IL3RA: variants seen among roughly 807,000 people sequenced by gnomAD.
IL3RA encodes interleukin-3 receptor subunit alpha.
A neutral mutation model predicts 52.3 loss-of-function variants in IL3RA; 73 were observed. The observed-to-expected ratio is 1.40, with a 90% confidence interval of 1.16 to 1.70. The LOEUF (loss-of-function observed/expected upper bound fraction) is 1.70, where lower values mean the gene tolerates loss of function less well. Among genes scored for constraint, IL3RA ranks in the 40% most tolerant of loss-of-function variants. The pLI is 0.00. For missense variants in IL3RA, 664 were observed against 504.4 expected (o/e 1.32, Z -3.03); for synonymous variants, 260 against 194.0 (o/e 1.34, Z -2.83).
chrX:1,362,165 C>CCTCT (rs377206464), intron 8 of IL3RA, among the ~76,000 whole-genome samples: 4 of 148,334 alleles, frequency 2.7e-5, no homozygotes, highest in African/African-American at 9.8e-5. Context: ...TTTCTCTTTC[C>CCTCT]CTCTCTCTTT....
At position 1,345,036 on chromosome X, in the gene IL3RA, G is replaced by A. The variant is rs2085675551; in HGVS notation, c.65-280G>A. On this transcript the variant is annotated intron_variant, in intron 2 of 11. Coordinates refer to ENST00000331035, the MANE Select transcript of IL3RA (RefSeq NM_002183.4). ...AAAAAAAAATTAGCCGGGCGTGGTG[G>A]CGGGCGCCTGTAGTCCCAGCTACTC... is the stretch of plus-strand genomic sequence containing the variant. Among the ~76,000 whole-genome samples, 3 of 150,878 alleles carry A rather than the reference G, an allele frequency of 2.0e-5. No individual in the cohort carries two copies. In the South Asian group the frequency reaches 6.3e-4, roughly 31 times the overall value.
intron 2 of IL3RA, among the ~76,000 whole-genome samples, chrX:1,344,380 G>C (rs1389002547): frequency 2.0e-5 from 3 of 151,980 alleles, no homozygotes; most frequent in Non-Finnish European, 4.4e-5. Context: ...GTTGTAGTGA[G>C]CCGAGATCGC....
At chrX:1,361,719 C>T (rs1210694670) in intron 8 of IL3RA, among the ~76,000 whole-genome samples, 6 of 143,774 alleles carry the variant, frequency 4.2e-5, no homozygotes, top group African/African-American at 2.6e-5. Flanking sequence ...CGCCACTGCA[C>T]TCCAGCCTGG....
chrX:1,362,589 G>C (rs2087536273), intron 8 of IL3RA, among the ~76,000 whole-genome samples: 1 of 151,102 alleles, frequency 6.6e-6, no homozygotes, highest in African/African-American at 2.4e-5. Flanking sequence ...CTCTCTCTCT[G>C]TCTCTCCCTG....
intron 10 of IL3RA, among the ~76,000 whole-genome samples, chrX:1,380,590 AG>A (rs1380485653): frequency 1.3e-4 from 2 of 15,300 alleles, no homozygotes; most frequent in African/African-American, 5.1e-4. Context: ...GGGAGGGGGA[AG>A]GGGGAGGAGG....
intron 8 of IL3RA, among the ~76,000 whole-genome samples, chrX:1,362,796 G>C (rs1323449812): frequency 7.8e-6 from 1 of 128,142 alleles, no homozygotes; most frequent in African/African-American, 3.3e-5. Context: ...TTTATTTTGA[G>C]ACAGAGTCTC....
At chrX:1,342,243 G>A (rs1442637657) in intron 2 of IL3RA, among the ~76,000 whole-genome samples, 3 of 151,744 alleles carry the variant, frequency 2.0e-5, no homozygotes, top group Non-Finnish European at 4.4e-5. Flanking sequence ...TCGGCTCACT[G>A]CAACCTCTGC....
intron 8 of IL3RA, among the ~76,000 whole-genome samples, chrX:1,361,594 A>C (rs776318700): frequency 1.1e-4 from 16 of 151,816 alleles, no homozygotes; most frequent in African/African-American, 2.7e-4. Context: ...ACTAAAAATA[A>C]AAAAAATTAC....
chrX:1,352,580 C>T (rs1416463832), intron 6 of IL3RA, 74 bp downstream of exon 6: 3 of 1,467,586 alleles, frequency 2.0e-6, no homozygotes, highest in Admixed American at 2.0e-5. Context: ...CCAGATCCCA[C>T]GGGACCACGT....
intron 3 of IL3RA, among the ~76,000 whole-genome samples, chrX:1,345,682 G>A (rs1393102744): frequency 1.4e-4 from 21 of 151,620 alleles, no homozygotes; most frequent in Admixed American, 4.6e-4. Flanking sequence ...AGTAGAGATG[G>A]GGTTTCACTG....
At chrX:1,377,743 G>A (rs1309380217) in intron 9 of IL3RA, among the ~76,000 whole-genome samples, 1 of 149,016 alleles carries the variant, frequency 6.7e-6, no homozygotes, top group Non-Finnish European at 1.5e-5. Flanking sequence ...ACGGCTCACT[G>A]TAGCCTCGAC....
chrX:1,337,157 C>T (rs754132633), intron 1 of IL3RA, among the ~76,000 whole-genome samples: 2 of 152,328 alleles, frequency 1.3e-5, no homozygotes, highest in East Asian at 3.9e-4. Flanking sequence ...GACGCTGAAG[C>T]CATCATAGCA....
intron 4 of IL3RA, 126 bp from the exon 5 acceptor site, chrX:1,351,974 A>G (rs1168082598): frequency 1.7e-6 from 2 of 1,185,776 alleles, no homozygotes; most frequent in Non-Finnish European, 2.4e-6. Flanking sequence ...CATGTTGGCC[A>G]GGCTGGTCTC....
In IL3RA at chrX:1,353,628, A is replaced by AC. The variant is rs749574828; in HGVS notation, c.616+1130dup. ...CATAGGTCCCATCATGGGTCATGGGACCCCCCCCATCATGGGTTCCATCAC... is the reference window on the plus strand; with the variant it reads ...CATAGGTCCCATCATGGGTCATGGGACCCCCCCCCATCATGGGTTCCATCAC... On this transcript the variant is annotated intron_variant, in intron 6 of 11. Coordinates refer to ENST00000331035, the MANE Select transcript of IL3RA (RefSeq NM_002183.4). 2.6e-4 allele frequency among the ~76,000 whole-genome samples: 11 copies of AC among 42,124 alleles called. 3 individuals are homozygous for AC. The highest frequency in any genetic ancestry group is 1.2e-3 in the East Asian group (2 of 1,730). The allele number at this position is 42,124 out of a possible 152,430, so 27.6% of individuals were successfully genotyped here.
chrX:1,379,578 G>A (rs2089031224), intron 10 of IL3RA, among the ~76,000 whole-genome samples: 1 of 152,250 alleles, frequency 6.6e-6, no homozygotes, highest in East Asian at 1.9e-4. Context: ...CAGGGTGGAG[G>A]AAGCAGGGCC....
intron 4 of IL3RA, among the ~76,000 whole-genome samples, chrX:1,350,086 T>C (rs1156986507): frequency 2.0e-5 from 3 of 152,246 alleles, no homozygotes; most frequent in East Asian, 3.9e-4. Context: ...ATTTTACAAA[T>C]AGAAAACAGT....
chrX:1,364,011 T>C (rs1233545838), intron 8 of IL3RA, among the ~76,000 whole-genome samples: 1 of 147,524 alleles, frequency 6.8e-6, no homozygotes. Flanking sequence ...TGAAACCCTG[T>C]CTCTACTAAA....
At chrX:1,343,666 C>CAAAAAA (rs760518972) in intron 2 of IL3RA, among the ~76,000 whole-genome samples, 8 of 68,662 alleles carry the variant, frequency 1.2e-4, no homozygotes, top group African/African-American at 3.6e-4. Flanking sequence ...GGCTCCATCT[C>CAAAAAA]AAAAAAAAAA....
chrX:1,356,802 T>G (rs1347993195), intron 7 of IL3RA, among the ~76,000 whole-genome samples: 2 of 151,772 alleles, frequency 1.3e-5, no homozygotes, highest in Non-Finnish European at 2.9e-5. Flanking sequence ...AGACTGTATG[T>G]GGTCTGTTGT....
Sources: allele counts gnomAD v4.1 joint callset (sites outside exome capture counted in the v4.1 genomes callset), GRCh38; gene constraint gnomAD v4.1.1; transcripts MANE v1.5; gene names NCBI Gene and HGNC (gene_info 2026-07-23, HGNC 2026-07-21).